COL19A1: variants seen among roughly 807,000 people sequenced by gnomAD.
The protein encoded by COL19A1 is collagen type XIX alpha 1 chain, also known as collagen alpha-1(XIX) chain.
In COL19A1, 159 loss-of-function variants were observed where a neutral mutation model predicts 190.2. The ratio of observed to expected loss-of-function variants is 0.84; its 90% confidence interval spans 0.73 to 0.95. The LOEUF (loss-of-function observed/expected upper bound fraction) is 0.95, where lower values mean the gene tolerates loss of function less well. Among genes scored for constraint, COL19A1 ranks in the 40% least tolerant of loss-of-function variants. The probability of loss-of-function intolerance (pLI) is 0.00; values close to 1 mark genes in which losing one functional copy is unlikely to be tolerated. For synonymous variants in COL19A1, 509 were observed against 458.9 expected, an observed-to-expected ratio of 1.11 and a Z score of -1.39; for missense variants, 1,418 against 1,431.9, an observed-to-expected ratio of 0.99 and a Z score of 0.16.
chr6:69,905,928 G>T (rs1232791556), intron 4 of COL19A1, among the ~76,000 whole-genome samples: 1 of 152,108 alleles, frequency 6.6e-6, no homozygotes, highest in Non-Finnish European at 1.5e-5. Context: ...AATTTTCTTG[G>T]CTTCTTATAT....
At position 70,022,758 on chromosome 6, in the gene COL19A1, G is replaced by A. The variant is rs912946734; in HGVS notation, c.1027-869G>A. Among the ~76,000 whole-genome samples, 16 of 152,164 alleles carry A rather than the reference G, an allele frequency of 1.1e-4. No homozygotes were observed. In the East Asian group the frequency reaches 3.1e-3, roughly 29 times the overall value. On this transcript the variant is annotated intron_variant, in intron 11 of 50. Coordinates refer to ENST00000620364, the MANE Select transcript of COL19A1 (RefSeq NM_001858.6). ...TTTATATCATGAACATTTTTCTCTAGTATAAAATAAAATTCACAAATGTGA... is the reference window on the plus strand; with the variant it reads ...TTTATATCATGAACATTTTTCTCTAATATAAAATAAAATTCACAAATGTGA...
chr6:70,203,138 G>C (rs1767651079), intron 49 of COL19A1, among the ~76,000 whole-genome samples: 1 of 152,158 alleles, frequency 6.6e-6, no homozygotes, highest in South Asian at 2.1e-4. Context: ...TTTCGAGTGA[G>C]TTTTATGAGA....
intron 11 of COL19A1, among the ~76,000 whole-genome samples, chr6:69,971,154 A>G (rs992948231): frequency 3.3e-5 from 5 of 152,316 alleles, no homozygotes; most frequent in Non-Finnish European, 7.3e-5. Context: ...AAAGAGAGAG[A>G]AATAAGAGGA....
chr6:70,192,715 A>G (rs117457807), intron 48 of COL19A1, among the ~76,000 whole-genome samples: 5,905 of 152,286 alleles, frequency 0.039, 155 homozygotes, highest in Non-Finnish European at 0.06. Flanking sequence ...CTTGTTAAAA[A>G]ATGATTAAGA....
chr6:70,064,824 G>A (rs1781077421), intron 14 of COL19A1, among the ~76,000 whole-genome samples: 1 of 152,094 alleles, frequency 6.6e-6, no homozygotes, highest in African/African-American at 2.4e-5. Flanking sequence ...CAAACAAACA[G>A]AGAGCCAAAT....
In COL19A1 at chr6:70,169,791, T is replaced by C. The variant is rs536580767; in HGVS notation, c.2568+1110T>C. Among the ~76,000 whole-genome samples, 7 of 152,198 alleles carry C rather than the reference T, an allele frequency of 4.6e-5. No individual in the cohort carries two copies. In the East Asian group the frequency reaches 1.3e-3, roughly 29 times the overall value. On this transcript the variant is annotated intron_variant, in intron 40 of 50. Coordinates refer to ENST00000620364, the MANE Select transcript of COL19A1 (RefSeq NM_001858.6). ...TTCTTACATCTTGTTGATAAAAATT[T>C]CCTCCTGGTCTTTCCCTCTCATACT...
chr6:69,970,094 C>T (rs936431938), intron 11 of COL19A1, among the ~76,000 whole-genome samples: 3 of 152,038 alleles, frequency 2.0e-5, no homozygotes, highest in South Asian at 2.1e-4. Flanking sequence ...AGAAGCTGCA[C>T]GGACACATTG....
At chr6:70,106,510 C>A (rs964103713) in intron 16 of COL19A1, among the ~76,000 whole-genome samples, 1 of 152,126 alleles carries the variant, frequency 6.6e-6, no homozygotes, top group Non-Finnish European at 1.5e-5. Flanking sequence ...TCATGTATAT[C>A]ACTCCAATTT....
rs532754828 is a variant in COL19A1 at position 70,027,517 on chromosome 6, C to T, written c.1080+3837C>T. Among the ~76,000 whole-genome samples the T allele has an allele frequency of 3.4e-4, 51 of 151,618 alleles. 1 individual carries two copies. In the South Asian group the frequency reaches 0.01, roughly 30 times the overall value. ...CAGTAGCAGCCCCTAGTCATTGGGA[C>T]AAGAAAAAATGTGCTGATATTTTTC... On this transcript the variant is annotated intron_variant, in intron 12 of 50. Transcript: ENST00000620364.
intron 30 of COL19A1, among the ~76,000 whole-genome samples, chr6:70,150,607 T>C (rs1180868247): frequency 1.3e-5 from 2 of 152,162 alleles, no homozygotes; most frequent in Non-Finnish European, 2.9e-5. Context: ...TCGGCAGTTA[T>C]AATTTGAGAG....
intron 16 of COL19A1, among the ~76,000 whole-genome samples, chr6:70,110,477 C>T (rs904295107): frequency 1.3e-5 from 2 of 152,064 alleles, no homozygotes; most frequent in Admixed American, 6.6e-5. Flanking sequence ...AAAATATAGA[C>T]ACATAAGACC....
chr6:69,915,643 A>C (rs1771242981), intron 4 of COL19A1, among the ~76,000 whole-genome samples: 1 of 152,148 alleles, frequency 6.6e-6, no homozygotes. Flanking sequence ...GAAAACCATA[A>C]TGTAGGATTG....
chr6:69,883,301 T>C (rs1346394970), intron 2 of COL19A1, among the ~76,000 whole-genome samples: 2 of 152,216 alleles, frequency 1.3e-5, no homozygotes, highest in Admixed American at 1.3e-4. Flanking sequence ...GGTCAAAGGC[T>C]AGACCTTGGA....
chr6:70,055,493 A>G (rs779224132), intron 14 of COL19A1, among the ~76,000 whole-genome samples: 5 of 152,004 alleles, frequency 3.3e-5, no homozygotes, highest in Non-Finnish European at 7.4e-5. Flanking sequence ...AAATGTTCAC[A>G]TTTTTTGGCG....
At chr6:69,920,095 C>T (rs899429646) in intron 4 of COL19A1, among the ~76,000 whole-genome samples, 1 of 151,894 alleles carries the variant, frequency 6.6e-6, no homozygotes, top group African/African-American at 2.4e-5. Context: ...ATTCATGCCC[C>T]TTGCAAAAAC....
chr6:69,927,484 T>A (rs1211413918), intron 4 of COL19A1, among the ~76,000 whole-genome samples: 2 of 152,174 alleles, frequency 1.3e-5, no homozygotes, highest in Admixed American at 1.3e-4. Context: ...AGGAACTCAT[T>A]TGCAAGAATT....
chr6:70,110,720 G>T (rs1176227444), intron 16 of COL19A1, among the ~76,000 whole-genome samples: 1 of 152,128 alleles, frequency 6.6e-6, no homozygotes, highest in Non-Finnish European at 1.5e-5. Flanking sequence ...TCTCCCTACG[G>T]ACAGCAGCAG....
intron 1 of COL19A1, among the ~76,000 whole-genome samples, chr6:69,873,484 T>A (rs1002446908): frequency 2.6e-5 from 4 of 152,178 alleles, no homozygotes; most frequent in Admixed American, 6.5e-5. Context: ...AAATGAGGGA[T>A]GAACTTTGGT....
chr6:69,938,911 T>A (rs1294865467), intron 9 of COL19A1, among the ~76,000 whole-genome samples: 1 of 152,104 alleles, frequency 6.6e-6, no homozygotes, highest in Non-Finnish European at 1.5e-5. Flanking sequence ...TTTTATTATC[T>A]CTCCAAGGTA....
Sources: gnomAD v4.1 joint callset for allele counts (sites outside exome capture counted in the v4.1 genomes callset) on GRCh38, gnomAD v4.1.1 for gene constraint, MANE v1.5 for transcripts, NCBI Gene and HGNC (gene_info 2026-07-23, HGNC 2026-07-21) for gene names.